The following SDF2 variants were observed in gnomAD, a reference collection of about 807,000 sequenced individuals.
SDF2 encodes the protein stromal cell derived factor 2, also known as stromal cell-derived factor 2.
Under a neutral mutation model 20.5 loss-of-function variants are expected in SDF2, and 12 were observed. The observed-to-expected ratio is 0.58, with a 90% CI of 0.37 to 0.95. SDF2 has a LOEUF of 0.95. Ranked by LOEUF, SDF2 falls within the 40% of genes least tolerant of loss-of-function variation. SDF2 has a pLI of 0.01. For synonymous variants in SDF2, 100 were observed against 101.0 expected, an observed-to-expected ratio of 0.99 and a Z score of 0.06; for missense variants, 238 against 263.1, an observed-to-expected ratio of 0.90 and a Z score of 0.66.
chr17:28,656,273 T>A (rs1416477454), intron 1 of SDF2: 2 of 151,922 alleles, frequency 1.3e-5, no homozygotes, highest in African/African-American at 4.8e-5. Context: ...CCCAGCCTTT[T>A]TCTTCTTTTA....
intron 1 of SDF2, among the ~76,000 whole-genome samples, chr17:28,658,410 C>T (rs942960965): frequency 5.3e-5 from 8 of 152,256 alleles, no homozygotes; most frequent in South Asian, 4.2e-4. Flanking sequence ...TGCGGCCTTC[C>T]GCAGTGTTTG....
At position 28,648,706 on chromosome 17, in the gene SDF2, A is replaced by G; in HGVS notation, c.*283T>C. ...AGTAAAAGTTTCCCAGCTAAGAGGG[A>G]TGTTTCCCTCAGTTTGTTTTATCAG... is the stretch of plus-strand genomic sequence containing the variant. On this transcript the variant is annotated 3_prime_UTR_variant, in exon 3 of 3. Coordinates refer to ENST00000247020, the MANE Select transcript of SDF2 (RefSeq NM_006923.4). 2.2e-6 allele frequency: 1 copy of G among 448,540 alleles called. No individual in the cohort carries two copies. The highest frequency in any genetic ancestry group is 4.0e-6 in the Non-Finnish European group (1 of 248,802). The allele number at this position is 448,540 out of a possible 1,614,324, so 27.8% of individuals were successfully genotyped here.
chr17:28,653,796 C>T (rs1303656227), intron 2 of SDF2, among the ~76,000 whole-genome samples: 1 of 151,818 alleles, frequency 6.6e-6, no homozygotes, highest in African/African-American at 2.4e-5. Flanking sequence ...TGGGACAGAG[C>T]GAGACTCTGT....
At chr17:28,659,748 T>A (rs1168792988) in intron 1 of SDF2, among the ~76,000 whole-genome samples, 1 of 106,962 alleles carries the variant, frequency 9.3e-6, no homozygotes, top group African/African-American at 3.7e-5. Flanking sequence ...GCCCTCCTCA[T>A]ATCCCAGACG....
intron 1 of SDF2, among the ~76,000 whole-genome samples, chr17:28,657,555 A>C (rs1381095280): frequency 6.6e-6 from 1 of 151,786 alleles, no homozygotes; most frequent in Non-Finnish European, 1.5e-5. Flanking sequence ...CTGCCACCAC[A>C]CCTGGCTAAT....
At position 28,655,550 on chromosome 17, in the gene SDF2, T is replaced by C. The variant is rs75233346; in HGVS notation, c.152-67A>G. The C allele has an allele frequency of 4.8e-4, 669 of 1,393,006 alleles. 3 individuals are homozygous for C. The African/African-American group carries it at 8.8e-3, about 18-fold the overall frequency. 86.3% of individuals were successfully genotyped at this position (1,393,006 alleles called of 1,614,324 possible). A position where few individuals can be genotyped will look rare whatever the true frequency, so the allele number is the denominator to read the frequency against. ...GGACAACATGCTCAGAGACAGAAGC[T>C]TGAGTGCGCTCAAGATTCACCTTCA... On this transcript the variant is annotated intron_variant, in intron 1 of 2. Transcript: ENST00000247020.
Position 28,649,091 on chromosome 17 carries a change from G to C in SDF2, c.534C>G (p.Gly178=). ...RPISGQKEVH[G]MAQPSQNNYW... ...AGTTGTTCTGACTTGGCTGGGCCAT[G>C]CCATGCACCTCTTTTTGCCCACTGA... is the stretch of plus-strand genomic sequence containing the variant. The change falls in exon 3 of 3, where the codon GGC becomes GGG. Residue 178 remains glycine (G), a synonymous_variant. Transcript: ENST00000247020. The C allele has an allele frequency of 6.2e-7, 1 of 1,614,214 alleles. No homozygotes were observed. Among genetic ancestry groups the C allele is most frequent in the South Asian group, 1.1e-5 (1 of 91,088 alleles).
intron 2 of SDF2, chr17:28,651,709 C>T (rs2151581210): frequency 6.6e-6 from 1 of 152,280 alleles, no homozygotes; most frequent in East Asian, 1.9e-4. Flanking sequence ...TCATCTAAAT[C>T]CCATCTTCCT....
chr17:28,662,169 A>G (rs1341077941), upstream of SDF2: 1 of 295,562 alleles, frequency 3.4e-6, no homozygotes, highest in Non-Finnish European at 6.4e-6. Flanking sequence ...TGGCCCGCCC[A>G]CTCCCGGTGA....
upstream of SDF2, chr17:28,662,083 G>T: frequency 2.1e-6 from 1 of 484,076 alleles, no homozygotes; most frequent in Non-Finnish European, 3.6e-6. Context: ...AGTGACAGCT[G>T]CCTTCCTGAG....
At chr17:28,654,479 T>A (rs983630376) in intron 2 of SDF2, among the ~76,000 whole-genome samples, 25 of 152,238 alleles carry the variant, frequency 1.6e-4, no homozygotes, top group Middle Eastern at 3.4e-3. Context: ...TTGGTTTAGT[T>A]GTTGTCTCCA....
intron 1 of SDF2, chr17:28,655,685 G>A: frequency 3.3e-6 from 2 of 609,360 alleles, no homozygotes; most frequent in Admixed American, 2.8e-5. Flanking sequence ...TGGCCTAGCA[G>A]GTGGAACCTG....
intron 1 of SDF2, 111 bp from the exon 2 acceptor site, chr17:28,655,594 G>A: frequency 3.4e-6 from 3 of 869,742 alleles, no homozygotes; most frequent in Non-Finnish European, 5.5e-6. Context: ...CCACCACCAT[G>A]ACCAAGGAAG....
At chr17:28,658,433 C>T (rs1482449687) in intron 1 of SDF2, among the ~76,000 whole-genome samples, 1 of 152,138 alleles carries the variant, frequency 6.6e-6, no homozygotes, top group Non-Finnish European at 1.5e-5. Flanking sequence ...TCCCTGGGTA[C>T]TTGAGATTAG....
At position 28,661,335 on chromosome 17, in the gene SDF2, C is replaced by T. The variant is rs1470447570; in HGVS notation, c.151+391G>A. On this transcript the variant is annotated intron_variant, in intron 1 of 2. Coordinates refer to ENST00000247020, the MANE Select transcript of SDF2 (RefSeq NM_006923.4). The stretch of plus-strand genomic sequence containing the variant: ...ACAGCACTTACTGTAATTTTCTTGT[C>T]TCTAAAGCAGGCTTTGAACCTGGAT... 3 of 349,784 alleles carry T rather than the reference C, an allele frequency of 8.6e-6. No homozygotes were observed. The Admixed American group carries it at 1.2e-4, about 14-fold the overall frequency. 21.7% of individuals were successfully genotyped at this position (349,784 alleles called of 1,614,324 possible).
intron 2 of SDF2, among the ~76,000 whole-genome samples, chr17:28,651,859 C>G (rs1486517076): frequency 6.6e-6 from 1 of 151,920 alleles, no homozygotes; most frequent in Admixed American, 6.6e-5. Flanking sequence ...TCTGATACTG[C>G]TATATTTGTA....
chr17:28,661,212 G>A (rs774795428), intron 1 of SDF2: 14 of 453,504 alleles, frequency 3.1e-5, no homozygotes, highest in South Asian at 2.0e-4. Context: ...AGTGTAAGAT[G>A]CAGAAGAGCT....
Position 28,648,916 on chromosome 17 carries a change from A to C in SDF2, c.*73T>G. ...GGCCACTGCCCAAGGAACTTGTGGCAGGGATCCCAAGGTGAGGCAGCAACA... is the reference window on the plus strand; with the variant it reads ...GGCCACTGCCCAAGGAACTTGTGGCCGGGATCCCAAGGTGAGGCAGCAACA... On this transcript the variant is annotated 3_prime_UTR_variant, in exon 3 of 3. Coordinates refer to ENST00000247020, the MANE Select transcript of SDF2 (RefSeq NM_006923.4). The C allele has an allele frequency of 2.0e-6, 3 of 1,472,152 alleles. No individual in the cohort carries two copies. The highest frequency in any genetic ancestry group is 2.8e-6 in the Non-Finnish European group (3 of 1,067,530). The allele number at this position is 1,472,152 out of a possible 1,614,324, so 91.2% of individuals were successfully genotyped here. A position where few individuals can be genotyped will look rare whatever the true frequency, so the allele number is the denominator to read the frequency against.
chr17:28,648,888 C>T lies in SDF2; in HGVS notation c.*101G>A. On this transcript the variant is annotated 3_prime_UTR_variant, in exon 3 of 3. Coordinates refer to ENST00000247020, the MANE Select transcript of SDF2 (RefSeq NM_006923.4). ...TTGTATATCTTCATCTCAATGGTGA[C>T]ATGGCCACTGCCCAAGGAACTTGTG... 8.4e-7 allele frequency: 1 copy of T among 1,187,464 alleles called. No homozygotes were observed. Among genetic ancestry groups the T allele is most frequent in the Non-Finnish European group, 1.2e-6 (1 of 819,928 alleles). The allele number at this position is 1,187,464 out of a possible 1,614,324, so 73.6% of individuals were successfully genotyped here.
Sources: allele counts gnomAD v4.1 joint callset (sites outside exome capture counted in the v4.1 genomes callset), GRCh38; gene constraint gnomAD v4.1.1; transcripts MANE v1.5; gene names NCBI Gene and HGNC (gene_info 2026-07-23, HGNC 2026-07-21).